Variants in CACNA1H observed in about 807,000 individuals in gnomAD.
CACNA1H encodes the protein voltage-dependent T-type calcium channel subunit alpha-1H.
A neutral mutation model predicts 192.5 loss-of-function variants in CACNA1H; 149 were observed. That is an observed-to-expected ratio of 0.77 (90% confidence interval 0.68 to 0.89). The LOEUF (loss-of-function observed/expected upper bound fraction) is 0.89. Ranked by LOEUF, CACNA1H falls within the 40% of genes least tolerant of loss-of-function variation. CACNA1H has a pLI of 0.00. For missense variants in CACNA1H, 4,257 were observed against 3,423.5 expected, an observed-to-expected ratio of 1.24 and a Z score of -6.08; for synonymous variants, 2,202 against 1,475.2, an observed-to-expected ratio of 1.49 and a Z score of -11.29.
chr16:1,157,034 G>C (rs1217355697), intron 2 of CACNA1H: 1 of 152,230 alleles, frequency 6.6e-6, no homozygotes, highest in Non-Finnish European at 1.5e-5. Flanking sequence ...GGTGGGATCT[G>C]TGTGTTGTCG....
intron 32 of CACNA1H, 23 bp from the exon 33 acceptor site, chr16:1,218,187 C>T: frequency 1.9e-6 from 3 of 1,542,906 alleles, no homozygotes; most frequent in African/African-American, 1.4e-5. Context: ...TGGACCCCGG[C>T]CCACAGCTGT....
chr16:1,211,674 C>G (rs749712090), intron 23 of CACNA1H, 42 bp from the exon 24 acceptor site: 1 of 1,611,230 alleles, frequency 6.2e-7, no homozygotes. Flanking sequence ...GCCGGCGACC[C>G]CAGCTCTAAC....
At position 1,214,978 on chromosome 16, in the gene CACNA1H, G is replaced by A; in HGVS notation, c.4936G>A (p.Asp1646Asn). 6.2e-7 allele frequency: 1 copy of A among 1,606,846 alleles called. No individual in the cohort carries two copies. The highest frequency in any genetic ancestry group is 8.5e-7 in the Non-Finnish European group (1 of 1,176,640). The change falls in exon 28 of 35, where the codon GAC becomes AAC. Residue 1646 changes from aspartate (D) to asparagine (N), a missense_variant. Transcript: ENST00000348261. Reference protein sequence around the residue: ...MEHYNQPKSLDEALKYCNYVF... With the variant: ...MEHYNQPKSLNEALKYCNYVF... The stretch of plus-strand genomic sequence containing the variant: ...CCCGACCCTCCACCCCCAGTCGCTG[G>A]ACGAGGCCCTCAAGTACTGCAACTA...
At chr16:1,198,820 C>A (rs377561076) in intron 6 of CACNA1H, 46 bp downstream of exon 6, 2 of 1,560,648 alleles carry the variant, frequency 1.3e-6, no homozygotes, top group South Asian at 2.3e-5. Flanking sequence ...GATGGCCCTG[C>A]CCACCATGCA....
intron 2 of CACNA1H, among the ~76,000 whole-genome samples, chr16:1,168,813 C>T (rs1250003791): frequency 2.6e-5 from 4 of 152,054 alleles, no homozygotes; most frequent in Non-Finnish European, 1.5e-5. Context: ...GCCTGAGGCC[C>T]GAGGAGGGGT....
At position 1,201,647 on chromosome 16, in the gene CACNA1H, C is replaced by G; in HGVS notation, c.1213-16C>G. 6.4e-7 allele frequency: 1 copy of G among 1,562,316 alleles called. No homozygotes were observed. Among genetic ancestry groups the G allele is most frequent in the African/African-American group, 1.4e-5 (1 of 74,070 alleles). On this transcript the variant is annotated splice_polypyrimidine_tract_variant and intron_variant, in intron 8 of 34. Coordinates refer to ENST00000348261, the MANE Select transcript of CACNA1H (RefSeq NM_021098.3). ...TCGCTCACTCACTGCCACTTACCCGCCCGCCCCCGTCACAGGTGGGCTCCT... is the reference window on the plus strand; with the variant it reads ...TCGCTCACTCACTGCCACTTACCCGGCCGCCCCCGTCACAGGTGGGCTCCT...
chr16:1,161,995 TGGCA>T (rs1280637231), intron 2 of CACNA1H, among the ~76,000 whole-genome samples: 6 of 152,180 alleles, frequency 3.9e-5, no homozygotes, highest in Admixed American at 2.0e-4. Context: ...TGAAGTGGAC[TGGCA>T]GAGGTGGGCA....
chr16:1,168,262 C>A (rs927243683), intron 2 of CACNA1H, among the ~76,000 whole-genome samples: 7 of 152,022 alleles, frequency 4.6e-5, no homozygotes, highest in African/African-American at 1.7e-4. Flanking sequence ...TCTGTTTGGA[C>A]GCTGGCCATC....
At chr16:1,178,178 C>T (rs1362268772) in intron 2 of CACNA1H, among the ~76,000 whole-genome samples, 4 of 135,442 alleles carry the variant, frequency 3.0e-5, no homozygotes, top group Non-Finnish European at 6.4e-5. Flanking sequence ...ACTCTCCCGC[C>T]CCCTCTCCAT....
intron 2 of CACNA1H, among the ~76,000 whole-genome samples, chr16:1,190,305 A>G (rs191913951): frequency 1.3e-5 from 2 of 152,398 alleles, no homozygotes; most frequent in Non-Finnish European, 1.5e-5. Flanking sequence ...ATTTTTAATT[A>G]AAACCCAGAA....
At chr16:1,186,251 TG>T (rs1966045888) in intron 2 of CACNA1H, among the ~76,000 whole-genome samples, 1 of 151,746 alleles carries the variant, frequency 6.6e-6, no homozygotes, top group Admixed American at 6.6e-5. Context: ...GTTTCCTTAG[TG>T]GTGTTTTGAA....
At chr16:1,177,865 C>T (rs1965049436) in intron 2 of CACNA1H, among the ~76,000 whole-genome samples, 1 of 151,912 alleles carries the variant, frequency 6.6e-6, no homozygotes, top group Admixed American at 6.5e-5. Flanking sequence ...TCATCCCAGT[C>T]ACCTCCCAAA....
In CACNA1H at chr16:1,202,281, A is replaced by G. The variant is rs1968041659; in HGVS notation, c.1831A>G (p.Met611Val). The G allele has an allele frequency of 3.2e-6, 5 of 1,582,638 alleles. No individual in the cohort carries two copies. The highest frequency in any genetic ancestry group is 2.6e-6 in the Non-Finnish European group (3 of 1,166,518). The part of the protein sequence containing the change: ...SLRLATGLGT[M>V]NYPTILPSGV... ...CAGACTGGCCACAGGGCTGGGCACC[A>G]TGAACTACCCCACGATCCTGCCCTC... The change falls in exon 9 of 35, where the codon ATG (methionine) becomes GTG (valine). Residue 611 changes from methionine (M) to valine (V), a missense_variant. By Grantham distance (21) the Met-to-Val change is conservative. Transcript: ENST00000348261.
intron 26 of CACNA1H, among the ~76,000 whole-genome samples, chr16:1,213,509 C>T (rs1032011387): frequency 6.6e-6 from 1 of 152,052 alleles, no homozygotes; most frequent in Non-Finnish European, 1.5e-5. Context: ...TGGCCTGCCC[C>T]GAAGGCCTGC....
chr16:1,159,624 A>T (rs1020177967), intron 2 of CACNA1H: 1 of 152,168 alleles, frequency 6.6e-6, no homozygotes, highest in African/African-American at 2.4e-5. Context: ...CTGGCGTCAC[A>T]ACTGCTCCTT....
At chr16:1,175,140 C>T (rs1228086475) in intron 2 of CACNA1H, among the ~76,000 whole-genome samples, 1 of 151,896 alleles carries the variant, frequency 6.6e-6, no homozygotes, top group Non-Finnish European at 1.5e-5. Flanking sequence ...CACTGCCCCA[C>T]GTAATGCCCT....
At chr16:1,163,694 C>T (rs772913455) in intron 2 of CACNA1H, among the ~76,000 whole-genome samples, 7 of 152,210 alleles carry the variant, frequency 4.6e-5, no homozygotes, top group African/African-American at 7.2e-5. Context: ...GGAAGCTGGC[C>T]GCTGTGTCTG....
intron 14 of CACNA1H, 70 bp downstream of exon 14, chr16:1,207,500 G>A (rs1968879368): frequency 1.3e-6 from 2 of 1,519,604 alleles, no homozygotes; most frequent in African/African-American, 2.7e-5. Context: ...AGGTCGAGGG[G>A]AGGGGTGTGG....
chr16:1,163,165 C>T (rs1469360295), intron 2 of CACNA1H, among the ~76,000 whole-genome samples: 5 of 152,212 alleles, frequency 3.3e-5, no homozygotes, highest in Non-Finnish European at 5.9e-5. Flanking sequence ...ATCCTGGGTC[C>T]GGAGAGGCGA....
Sources: allele counts gnomAD v4.1 joint callset (sites outside exome capture counted in the v4.1 genomes callset), GRCh38; gene constraint gnomAD v4.1.1; transcripts MANE v1.5; gene names NCBI Gene and HGNC (gene_info 2026-07-23, HGNC 2026-07-21).